Variants in ARAP2 observed in about 807,000 individuals in gnomAD.
ARAP2 encodes ArfGAP with RhoGAP domain, ankyrin repeat and PH domain 2, also known as arf-GAP with Rho-GAP domain, ANK repeat and PH domain-containing protein 2.
In ARAP2, 148 loss-of-function variants were observed where a neutral mutation model predicts 194.5. The ratio of observed to expected loss-of-function variants is 0.76; its 90% CI spans 0.67 to 0.87. The LOEUF (loss-of-function observed/expected upper bound fraction) is 0.87, where lower values mean the gene tolerates loss of function less well. Among genes scored for constraint, ARAP2 ranks in the 40% least tolerant of loss-of-function variants. ARAP2 has a pLI of 0.00. For synonymous variants in ARAP2, 695 were observed against 683.5 expected (o/e 1.02, Z -0.26); for missense variants, 2,128 against 1,989.7 (o/e 1.07, Z -1.32).
intron 6 of ARAP2, among the ~76,000 whole-genome samples, chr4:36,016,493 G>T (rs942145064): frequency 1.4e-5 from 2 of 142,468 alleles, no homozygotes; most frequent in Admixed American, 7.6e-5. Flanking sequence ...TATAGCTCTT[G>T]CGTGCTTGAA....
chr4:36,029,025 A>G, intron 5 of ARAP2, among the ~76,000 whole-genome samples: 1 of 152,016 alleles, frequency 6.6e-6, no homozygotes, highest in East Asian at 1.9e-4. Flanking sequence ...ATTTTTGTGA[A>G]GAGAAACTAG....
intron 27 of ARAP2, among the ~76,000 whole-genome samples, chr4:36,104,054 A>G (rs1717727774): frequency 6.6e-6 from 1 of 151,986 alleles, no homozygotes; most frequent in Non-Finnish European, 1.5e-5. Context: ...ATGTAGGGAC[A>G]GAGTAAAATT....
intron 19 of ARAP2, 74 bp downstream of exon 19, chr4:36,147,222 A>G (rs916633612): frequency 4.5e-6 from 6 of 1,343,840 alleles, no homozygotes; most frequent in Non-Finnish European, 6.3e-6. Context: ...TTCTCCCTCA[A>G]GATAATAACA....
intron 26 of ARAP2, among the ~76,000 whole-genome samples, chr4:36,112,851 G>A (rs1413565675): frequency 6.6e-6 from 1 of 151,716 alleles, no homozygotes; most frequent in Non-Finnish European, 1.5e-5. Flanking sequence ...GCCAGATGGA[G>A]GAAGAACAAA....
At chr4:36,032,972 C>G (rs910004275) in intron 5 of ARAP2, among the ~76,000 whole-genome samples, 1 of 149,066 alleles carries the variant, frequency 6.7e-6, no homozygotes, top group Non-Finnish European at 1.5e-5. Context: ...TACTGATGTC[C>G]AGCTCCATCC....
chr4:36,073,562 C>T (rs1013053943), intron 32 of ARAP2, 127 bp downstream of exon 32: 7 of 1,106,452 alleles, frequency 6.3e-6, no homozygotes, highest in Non-Finnish European at 8.9e-6. Flanking sequence ...GTGATTATTA[C>T]CATGCTTTAC....
chr4:36,068,167 TGTGCTCCAGGCA>T lies in ARAP2; in HGVS notation c.4843_4854del (p.Cys1615_His1618del). On this transcript the variant is annotated inframe_deletion, in exon 33 of 33. Transcript: ENST00000303965. ...GGTCGATTTCGAAGTTTATCGTCCT[TGTGCTCCAGGCA>T]GTGGGCCACCATGGAAGCTCTCTCC... The T allele has an allele frequency of 3.1e-6, 5 of 1,613,886 alleles. No homozygotes were observed. Among genetic ancestry groups the T allele is most frequent in the Non-Finnish European group, 4.2e-6 (5 of 1,179,734 alleles).
intron 5 of ARAP2, among the ~76,000 whole-genome samples, chr4:36,021,992 C>T (rs1044862533): frequency 1.3e-5 from 2 of 152,150 alleles, no homozygotes; most frequent in Non-Finnish European, 2.9e-5. Context: ...TCCCAGGCCA[C>T]ACACCTTCAC....
At chr4:36,167,435 T>C (rs775999673) in intron 9 of ARAP2, among the ~76,000 whole-genome samples, 13 of 152,262 alleles carry the variant, frequency 8.5e-5, no homozygotes, top group Admixed American at 2.0e-4. Flanking sequence ...TTACTAGTTA[T>C]GTAAAAAGAT....
intron 1 of ARAP2, among the ~76,000 whole-genome samples, chr4:36,060,342 G>T (rs1724226420): frequency 6.6e-6 from 1 of 152,102 alleles, no homozygotes; most frequent in South Asian, 2.1e-4. Flanking sequence ...CAGTCATTTT[G>T]CTGAGTCACA....
At chr4:36,192,141 T>A (rs921494185) in intron 7 of ARAP2, among the ~76,000 whole-genome samples, 2 of 150,600 alleles carry the variant, frequency 1.3e-5, no homozygotes, top group African/African-American at 4.9e-5. Context: ...CTCTCTCCTT[T>A]TAGGAAACAC....
chr4:36,201,559 T>G (rs997606321), intron 6 of ARAP2, among the ~76,000 whole-genome samples: 3 of 152,238 alleles, frequency 2.0e-5, no homozygotes, highest in African/African-American at 7.2e-5. Flanking sequence ...TGCAGTATTA[T>G]TGAACATATT....
intron 2 of ARAP2, among the ~76,000 whole-genome samples, chr4:36,227,054 A>G (rs1750477923): frequency 6.6e-6 from 1 of 152,212 alleles, no homozygotes; most frequent in South Asian, 2.1e-4. Flanking sequence ...CAAATAATCC[A>G]ATTCTTATAT....
chr4:36,082,371 T>C, intron 29 of ARAP2, 85 bp from the exon 30 acceptor site: 1 of 1,355,892 alleles, frequency 7.4e-7, no homozygotes, highest in Middle Eastern at 2.2e-4. Context: ...GTTAAGGAGA[T>C]GAGATTTAAT....
intron 21 of ARAP2, among the ~76,000 whole-genome samples, chr4:36,128,318 T>C (rs1283982240): frequency 1.3e-5 from 2 of 152,002 alleles, no homozygotes; most frequent in Non-Finnish European, 2.9e-5. Flanking sequence ...AGTGAATATT[T>C]TGAATTTCTC....
intron 2 of ARAP2, among the ~76,000 whole-genome samples, chr4:36,054,247 A>G (rs1318710725): frequency 6.6e-6 from 1 of 152,050 alleles, no homozygotes; most frequent in East Asian, 1.9e-4. Flanking sequence ...ACCTTTTTAT[A>G]CCCCCAAAGT....
At chr4:36,164,559 C>G (rs1338292000) in intron 11 of ARAP2, among the ~76,000 whole-genome samples, 2 of 152,004 alleles carry the variant, frequency 1.3e-5, no homozygotes, top group Non-Finnish European at 2.9e-5. Flanking sequence ...TATGTCTTAC[C>G]AAAAATGACT....
chr4:36,128,478 A>AC, intron 21 of ARAP2, 55 bp downstream of exon 21: 1 of 995,028 alleles, frequency 1.0e-6, no homozygotes, highest in Non-Finnish European at 1.4e-6. Flanking sequence ...TCTATATTAT[A>AC]CACACACACA....
chr4:36,039,669 G>A (rs752487818), intron 5 of ARAP2, among the ~76,000 whole-genome samples: 1 of 152,060 alleles, frequency 6.6e-6, no homozygotes, highest in Non-Finnish European at 1.5e-5. Context: ...CCATTAAAAC[G>A]ATCTCCTGTG....
Sources: gnomAD v4.1 joint callset for allele counts (sites outside exome capture counted in the v4.1 genomes callset) on GRCh38, gnomAD v4.1.1 for gene constraint, MANE v1.5 for transcripts, NCBI Gene and HGNC (gene_info 2026-07-23, HGNC 2026-07-21) for gene names.